The following GSG1L variants were observed in gnomAD, a reference collection of about 807,000 sequenced individuals.
GSG1L encodes the protein germ cell-specific gene 1-like protein.
A neutral mutation model predicts 42.1 loss-of-function variants in GSG1L; 24 were observed. The ratio of observed to expected loss-of-function variants is 0.57; its 90% CI spans 0.41 to 0.80. The LOEUF (loss-of-function observed/expected upper bound fraction) is 0.80, where lower values mean the gene tolerates loss of function less well. Among genes scored for constraint, GSG1L ranks in the 30% least tolerant of loss-of-function variants. The pLI is 0.00. For missense variants in GSG1L, 445 were observed against 472.2 expected, an observed-to-expected ratio of 0.94 and a Z score of 0.53; for synonymous variants, 215 against 203.5, an observed-to-expected ratio of 1.06 and a Z score of -0.48.
rs1246050729 is a variant in GSG1L, at chr16:28,035,004, C to CA, written c.349+28071dup. Among the ~76,000 whole-genome samples, 6 of 152,230 alleles carry CA rather than the reference C, an allele frequency of 3.9e-5. No homozygotes were observed. The East Asian group carries it at 1.2e-3, about 29-fold the overall frequency. ...ACCCACCCCATGTACTCACTAATTG[C>CA]AGCTGTGTTTTATTATTATTGTTAT... On this transcript the variant is annotated intron_variant, in intron 1 of 6. Coordinates refer to ENST00000447459, the MANE Select transcript of GSG1L (RefSeq NM_001109763.2).
At chr16:27,947,386 A>AAGAAAGAG (rs2141091134) in intron 2 of GSG1L, among the ~76,000 whole-genome samples, 1 of 57,366 alleles carries the variant, frequency 1.7e-5, no homozygotes, top group African/African-American at 6.4e-5. Context: ...AAGAAAGAAA[A>AAGAAAGAG]AGAAAGAAAG....
chr16:27,868,871 C>T (rs1213227086), intron 3 of GSG1L, among the ~76,000 whole-genome samples: 1 of 152,134 alleles, frequency 6.6e-6, no homozygotes, highest in Non-Finnish European at 1.5e-5. Flanking sequence ...CATCCACATT[C>T]CCTCCCAGGC....
At chr16:27,901,425 A>T (rs1335721463) in intron 2 of GSG1L, among the ~76,000 whole-genome samples, 1 of 152,198 alleles carries the variant, frequency 6.6e-6, no homozygotes, top group African/African-American at 2.4e-5. Context: ...TGATCCTGCC[A>T]CCTCAGTTCT....
At chr16:28,027,990 T>C (rs2085918728) in intron 1 of GSG1L, among the ~76,000 whole-genome samples, 1 of 152,188 alleles carries the variant, frequency 6.6e-6, no homozygotes, top group Admixed American at 6.5e-5. Flanking sequence ...GCAACAGAGC[T>C]GACACCTAAG....
intron 2 of GSG1L, among the ~76,000 whole-genome samples, chr16:27,938,339 G>A (rs2084743643): frequency 1.4e-5 from 2 of 146,176 alleles, no homozygotes; most frequent in South Asian, 2.2e-4. Context: ...AGTGAGCCGA[G>A]ATCACACCAC....
At chr16:27,902,552 G>A (rs76307114) in intron 2 of GSG1L, among the ~76,000 whole-genome samples, 5,367 of 152,072 alleles carry the variant, frequency 0.035, 212 homozygotes, top group African/African-American at 0.093. Flanking sequence ...AAGCTTCAGA[G>A]CAAGGGGAGG....
At chr16:27,874,920 G>A (rs1343621665) in intron 3 of GSG1L, among the ~76,000 whole-genome samples, 1 of 152,224 alleles carries the variant, frequency 6.6e-6, no homozygotes, top group African/African-American at 2.4e-5. Context: ...AGTGGGGGCA[G>A]TCTTGCTGAG....
chr16:27,803,788 TATATATAGATAGATAGATATAG>T (rs2082914719), intron 6 of GSG1L, among the ~76,000 whole-genome samples: 2 of 63,652 alleles, frequency 3.1e-5, no homozygotes, highest in African/African-American at 1.2e-4. Context: ...TATATATATA[TATATATAGATAGATAGATATAG>T]ATATAGATAT....
intron 4 of GSG1L, among the ~76,000 whole-genome samples, chr16:27,832,576 T>C (rs950996752): frequency 1.3e-5 from 2 of 152,268 alleles, no homozygotes; most frequent in African/African-American, 4.8e-5. Context: ...CTAAGTACAG[T>C]ATTCCTGCCA....
intron 2 of GSG1L, among the ~76,000 whole-genome samples, chr16:27,924,870 C>T (rs890961411): frequency 6.6e-6 from 1 of 152,144 alleles, no homozygotes; most frequent in African/African-American, 2.4e-5. Context: ...GCAACTATCC[C>T]AGCTGAAGTG....
intron 3 of GSG1L, among the ~76,000 whole-genome samples, chr16:27,882,760 TAGAGG>T (rs1044786542): frequency 1.3e-5 from 2 of 152,078 alleles, no homozygotes; most frequent in Non-Finnish European, 2.9e-5. Flanking sequence ...ACCCAGTCCA[TAGAGG>T]TCAACACACC....
intron 5 of GSG1L, among the ~76,000 whole-genome samples, chr16:27,825,301 T>C (rs924985233): frequency 2.6e-5 from 4 of 152,210 alleles, no homozygotes; most frequent in African/African-American, 9.6e-5. Flanking sequence ...ATAGGTCTTC[T>C]ATCCCAGAGC....
At chr16:27,870,952 G>C (rs1340485628) in intron 3 of GSG1L, among the ~76,000 whole-genome samples, 1 of 151,302 alleles carries the variant, frequency 6.6e-6, no homozygotes, top group Non-Finnish European at 1.5e-5. Context: ...CCCAACAACA[G>C]TCTTTGTGAG....
chr16:27,947,482 GAAGA>G (rs899817194), intron 2 of GSG1L, among the ~76,000 whole-genome samples: 36 of 142,410 alleles, frequency 2.5e-4, no homozygotes, highest in African/African-American at 5.2e-4. Flanking sequence ...AGAAAGAAAG[GAAGA>G]AAGAAAGAAA....
intron 1 of GSG1L, among the ~76,000 whole-genome samples, chr16:28,057,747 G>A (rs1439937684): frequency 3.9e-5 from 6 of 152,268 alleles, no homozygotes; most frequent in East Asian, 3.9e-4. Flanking sequence ...CAACCCCAAC[G>A]ATGCTATCAT....
chr16:27,969,657 TA>T (rs2085171298), intron 1 of GSG1L, among the ~76,000 whole-genome samples: 1 of 152,236 alleles, frequency 6.6e-6, no homozygotes, highest in African/African-American at 2.4e-5. Flanking sequence ...ACATTTTGGT[TA>T]TTTATGAACG....
chr16:27,855,383 G>A (rs2083564706), intron 3 of GSG1L, among the ~76,000 whole-genome samples: 1 of 152,130 alleles, frequency 6.6e-6, no homozygotes, highest in African/African-American at 2.4e-5. Flanking sequence ...TGTAGCTATT[G>A]AGTATTTGCT....
At chr16:27,896,780 A>G (rs528074260) in intron 2 of GSG1L, among the ~76,000 whole-genome samples, 1 of 152,338 alleles carries the variant, frequency 6.6e-6, no homozygotes, top group South Asian at 2.1e-4. Flanking sequence ...GGCGGCCTCT[A>G]GAAGACAGAA....
At chr16:27,931,182 CCAAT>C (rs1282856817) in intron 2 of GSG1L, among the ~76,000 whole-genome samples, 1 of 152,144 alleles carries the variant, frequency 6.6e-6, no homozygotes, top group East Asian at 1.9e-4. Flanking sequence ...CTTCGTGGGG[CCAAT>C]CAAAGGGACA....
Sources: gnomAD v4.1 joint callset for allele counts (sites outside exome capture counted in the v4.1 genomes callset) on GRCh38, gnomAD v4.1.1 for gene constraint, MANE v1.5 for transcripts, NCBI Gene and HGNC (gene_info 2026-07-23, HGNC 2026-07-21) for gene names.